Variants in NUMA1 observed in about 807,000 individuals in gnomAD.
The protein encoded by NUMA1 is nuclear mitotic apparatus protein 1, also known as SP-H antigen.
A neutral mutation model predicts 237.1 loss-of-function variants in NUMA1; 62 were observed. The ratio of observed to expected loss-of-function variants is 0.26; its 90% CI spans 0.21 to 0.32. NUMA1 has a LOEUF of 0.32. NUMA1 is among the 10% of genes least tolerant of loss of function. The pLI, the probability that NUMA1 is intolerant of heterozygous loss-of-function variation, is 1.00. For missense variants in NUMA1, 2,533 were observed against 2,666.5 expected, an observed-to-expected ratio of 0.95 and a Z score of 1.10; for synonymous variants, 1,028 against 1,066.1, an observed-to-expected ratio of 0.96 and a Z score of 0.70.
In NUMA1 at chr11:72,007,255, G is replaced by C; in HGVS notation, c.5397C>G (p.Asp1799Glu). The change falls in exon 21 of 27, where the codon GAC becomes GAG. Residue 1799 changes from aspartate to glutamate, a missense_variant. Around this residue, in one of 3 missense-constraint regions of NUMA1, gnomAD observed 795 missense variants for 750.8 expected, o/e 1.06. Transcript: ENST00000393695. Reference sequence around the variant, plus strand: ...GAGCGGAGCGGGTCTTACGACCCGAGTCCAGGAAGACGTCTCCCAGGGAGT... The same window carrying C: ...GAGCGGAGCGGGTCTTACGACCCGACTCCAGGAAGACGTCTCCCAGGGAGT... ...SLDSLGDVFL[D>E]SGRKTRSARR... The C allele has an allele frequency of 6.2e-7, 1 of 1,613,224 alleles. No homozygotes were observed.
chr11:72,060,148 C>T (rs1174917833), intron 2 of NUMA1, among the ~76,000 whole-genome samples: 1 of 152,130 alleles, frequency 6.6e-6, no homozygotes, highest in African/African-American at 2.4e-5. Flanking sequence ...GTGTAATTCC[C>T]CCTACCAGCA....
rs545750854 is a variant in NUMA1, at chr11:72,022,331, G to A, written c.372+8C>T. 5.0e-5 allele frequency: 80 copies of A among 1,605,092 alleles called. No individual in the cohort carries two copies. The South Asian group carries it at 8.8e-4, about 18-fold the overall frequency. ...CCTGCTAGGTGGCATGGAGGCACAA[G>A]GGCTTACCTGAATTTTATATTCAAA... On this transcript the variant is annotated splice_region_variant and intron_variant, in intron 7 of 26. Coordinates refer to ENST00000393695, the MANE Select transcript of NUMA1 (RefSeq NM_006185.4).
chr11:72,021,300 C>T lies in NUMA1; in HGVS notation c.373-9G>A. On this transcript the variant is annotated splice_polypyrimidine_tract_variant and intron_variant, in intron 7 of 26. Transcript: ENST00000393695. The stretch of plus-strand genomic sequence containing the variant: ...ATGACAGCCAACTCAGCCTGGGCCA[C>T]AGGGAGAAAAAGAGCATCACTTAGG... The T allele has an allele frequency of 6.2e-7, 1 of 1,613,662 alleles. No homozygotes were observed. Among genetic ancestry groups the T allele is most frequent in the South Asian group, 1.1e-5 (1 of 91,044 alleles).
At chr11:72,040,099 T>C (rs1941486029) in intron 2 of NUMA1, among the ~76,000 whole-genome samples, 1 of 152,194 alleles carries the variant, frequency 6.6e-6, no homozygotes, top group Non-Finnish European at 1.5e-5. Context: ...TGGGGAGTCC[T>C]GGGTAGACCG....
rs1590973603 is a variant in NUMA1 at position 72,030,191 on chromosome 11, C to T, written c.43-901G>A. ...CCTACAAAAAATACAAAAAATTAGC[C>T]AGGAGTGGTGGCACATACCTGTAGT... On this transcript the variant is annotated intron_variant, in intron 3 of 26. Coordinates refer to ENST00000393695, the MANE Select transcript of NUMA1 (RefSeq NM_006185.4). 2.6e-5 allele frequency among the ~76,000 whole-genome samples: 4 copies of T among 151,844 alleles called. No homozygotes were observed. In the South Asian group the frequency reaches 8.3e-4, roughly 32 times the overall value.
chr11:72,054,782 G>A (rs117687620), intron 2 of NUMA1, among the ~76,000 whole-genome samples: 2 of 152,270 alleles, frequency 1.3e-5, no homozygotes, highest in Non-Finnish European at 2.9e-5. Context: ...AGTAACTAAT[G>A]AAAAATATGA....
At position 72,015,379 on chromosome 11, in the gene NUMA1, T is replaced by C; in HGVS notation, c.2124A>G (p.Lys708=). Residue 708 remains lysine, a synonymous_variant, in exon 15 of 27, where the codon AAA becomes AAG. Coordinates refer to ENST00000393695, the MANE Select transcript of NUMA1 (RefSeq NM_006185.4). This position sits in a 1 kb window ranked among gnomAD's most constrained non-coding sequence, Gnocchi z 4.0. ...TGCCCTTGGTGACCTTCAAGGACTC[T>C]TTGAGGGCCTGGAGCTGCTCCTGGA... ...DQLQEQLQAL[K]ESLKVTKGSL... The C allele has an allele frequency of 2.5e-6, 4 of 1,612,464 alleles. No homozygotes were observed. The highest frequency in any genetic ancestry group is 3.4e-6 in the Non-Finnish European group (4 of 1,179,972).
intron 5 of NUMA1, chr11:72,024,071 G>T: frequency 1.8e-6 from 1 of 556,678 alleles, no homozygotes; most frequent in Non-Finnish European, 3.2e-6. Flanking sequence ...CTCTGGGACT[G>T]AAGGGACACT....
intron 2 of NUMA1, among the ~76,000 whole-genome samples, chr11:72,037,154 C>T (rs1941117255): frequency 1.3e-5 from 2 of 152,322 alleles, no homozygotes; most frequent in African/African-American, 4.8e-5. Context: ...CTTGGTCCTT[C>T]CTATCCAAGT....
Position 72,029,305 on chromosome 11 carries a change from G to T in NUMA1, c.43-15C>A. 1 of 1,576,016 alleles carries T rather than the reference G, an allele frequency of 6.3e-7. No individual in the cohort carries two copies. The highest frequency in any genetic ancestry group is 8.6e-7 in the Non-Finnish European group (1 of 1,158,960). Reference sequence around the variant, plus strand: ...AGACTGTTCACCTGTAAATCAAAGGGAACAGCCTAGTGAGACCGTTAGAAG... The same window carrying T: ...AGACTGTTCACCTGTAAATCAAAGGTAACAGCCTAGTGAGACCGTTAGAAG... On this transcript the variant is annotated splice_polypyrimidine_tract_variant and intron_variant, in intron 3 of 26. Coordinates refer to ENST00000393695, the MANE Select transcript of NUMA1 (RefSeq NM_006185.4).
At position 72,013,336 on chromosome 11, in the gene NUMA1, C is replaced by T. The variant is rs1314558423; in HGVS notation, c.4167G>A (p.Lys1389=). The T allele has an allele frequency of 6.2e-7, 1 of 1,607,206 alleles. No homozygotes were observed. Among genetic ancestry groups the T allele is most frequent in the Non-Finnish European group, 8.5e-7 (1 of 1,179,870 alleles). Residue 1389 remains lysine, a synonymous_variant, in exon 15 of 27, where the codon AAG becomes AAA. Coordinates refer to ENST00000393695, the MANE Select transcript of NUMA1 (RefSeq NM_006185.4). This position sits in a 1 kb window ranked among gnomAD's most constrained non-coding sequence, Gnocchi z 6.8. ...CTGCCCGCAGTCCCCCAGCGGCCTG[C>T]TTGCTCTGCTCCAGCTCCTCACGGT... ...KRHREELEQS[K]QAAGGLRAEL...
Position 72,069,290 on chromosome 11 carries a change from T to C in NUMA1, c.-33+552A>G, listed in dbSNP as rs113930632. On this transcript the variant is annotated intron_variant, in intron 2 of 26. Transcript: ENST00000393695. Reference sequence around the variant, plus strand: ...TGTCCCTTTTTACATATGAGAAAAGTTCAGTCCATTGAGGTTAGGCAATTT... The same window carrying C: ...TGTCCCTTTTTACATATGAGAAAAGCTCAGTCCATTGAGGTTAGGCAATTT... Among the ~76,000 whole-genome samples, 1,442 of 152,260 alleles carry C rather than the reference T, an allele frequency of 9.5e-3. 13 individuals are homozygous for C. Among genetic ancestry groups the C allele is most frequent in the African/African-American group, 0.033 (1,377 of 41,540 alleles).
Position 72,009,120 on chromosome 11 carries a change from C to G in NUMA1, c.4905G>C (p.Leu1635=). ...CCTTCTGCAGCTGCTCCAGGCTCCG[C>G]AGCTGCTCCTGCAGCTCTTGGTTCT... The part of the protein sequence containing the change: ...KQQNQELQEQ[L]RSLEQLQKEN... Residue 1635 remains leucine (L), a synonymous_variant, in exon 19 of 27, where the codon CTG becomes CTC. Coordinates refer to ENST00000393695, the MANE Select transcript of NUMA1 (RefSeq NM_006185.4). The G allele has an allele frequency of 3.7e-6, 6 of 1,607,302 alleles. No individual in the cohort carries two copies. Among genetic ancestry groups the G allele is most frequent in the Non-Finnish European group, 5.1e-6 (6 of 1,177,648 alleles).
In NUMA1 at chr11:72,003,548, A is replaced by T. The variant is rs1227300150; in HGVS notation, c.6337-10T>A. 6.2e-7 allele frequency: 1 copy of T among 1,614,020 alleles called. No individual in the cohort carries two copies. Among genetic ancestry groups the T allele is most frequent in the Non-Finnish European group, 8.5e-7 (1 of 1,180,010 alleles). On this transcript the variant is annotated splice_polypyrimidine_tract_variant and intron_variant, in intron 26 of 26. Transcript: ENST00000393695. Reference sequence around the variant, plus strand: ...CCCTTTAGTGCTTTGCCTGAAAGAGACACAGTCACATGGCCAGATGAGAAC... The same window carrying T: ...CCCTTTAGTGCTTTGCCTGAAAGAGTCACAGTCACATGGCCAGATGAGAAC...
Position 72,073,134 on chromosome 11 carries a change from G to A in NUMA1, c.-102-3223C>T, listed in dbSNP as rs1943542184. 2.0e-5 allele frequency among the ~76,000 whole-genome samples: 3 copies of A among 149,550 alleles called. No individual in the cohort carries two copies. The Admixed American group carries it at 2.0e-4, about 10-fold the overall frequency. On this transcript the variant is annotated intron_variant, in intron 1 of 26. Coordinates refer to ENST00000393695, the MANE Select transcript of NUMA1 (RefSeq NM_006185.4). ...AGCACTTTGCGAGGCCGAGGCAGGA[G>A]GATTGCTTGAGCTCAGGTGTTCAAG...
intron 2 of NUMA1, among the ~76,000 whole-genome samples, chr11:72,048,804 C>T (rs1282873721): frequency 6.6e-6 from 1 of 152,084 alleles, no homozygotes; most frequent in African/African-American, 2.4e-5. Flanking sequence ...ACAGCAAGCA[C>T]CAAGAAAAGT....
chr11:72,004,457 C>T (rs1235842072), intron 24 of NUMA1, 116 bp from the exon 25 acceptor site: 3 of 1,216,054 alleles, frequency 2.5e-6, no homozygotes, highest in Admixed American at 2.1e-5. Flanking sequence ...ACCTGCTCCC[C>T]TTCCCAACTC....
chr11:72,015,043 G>A lies in NUMA1; in HGVS notation c.2460C>T (p.Ser820=). ...CGCCATACTGTGCCTCCTCTTGCTG[G>A]CTATCCTCATACCGCTCACGCCAGG... is the stretch of plus-strand genomic sequence containing the variant. ...VAAWRERYED[S]QQEEAQYGAM... The change falls in exon 15 of 27, where the codon AGC becomes AGT. Residue 820 remains serine (S), a synonymous_variant. Coordinates refer to ENST00000393695, the MANE Select transcript of NUMA1 (RefSeq NM_006185.4). The surrounding 1 kb of genome is among the most constrained non-coding windows in gnomAD (Gnocchi z 4.0). 6.2e-7 allele frequency: 1 copy of A among 1,614,020 alleles called. No homozygotes were observed. Among genetic ancestry groups the A allele is most frequent in the Non-Finnish European group, 8.5e-7 (1 of 1,180,026 alleles).
At chr11:72,026,011 G>C (rs1348032805) in intron 4 of NUMA1, among the ~76,000 whole-genome samples, 1 of 152,180 alleles carries the variant, frequency 6.6e-6, no homozygotes, top group South Asian at 2.1e-4. Flanking sequence ...TTTAAAAAAT[G>C]CTGGGTTAAA....
Sources: allele counts gnomAD v4.1 joint callset (sites outside exome capture counted in the v4.1 genomes callset), GRCh38; gene constraint gnomAD v4.1.1; regional missense constraint gnomAD v4.1.1; non-coding constraint Gnocchi (gnomAD v3.1); transcripts MANE v1.5; gene names NCBI Gene and HGNC (gene_info 2026-07-23, HGNC 2026-07-21).